STXBP3: variants seen among roughly 807,000 people sequenced by gnomAD.
STXBP3 encodes syntaxin binding protein 3, also known as syntaxin-binding protein 3.
STXBP3 carries 41 observed loss-of-function variants against 85.7 expected under a neutral mutation model. That is an observed-to-expected ratio of 0.48 (90% CI 0.37 to 0.62). STXBP3 has a LOEUF of 0.62. Ranked by LOEUF, STXBP3 falls within the 20% of genes least tolerant of loss-of-function variation. STXBP3 has a pLI of 0.00. For synonymous variants in STXBP3, 229 were observed against 231.7 expected (o/e 0.99, Z 0.10); for missense variants, 563 against 703.1 (o/e 0.80, Z 2.25).
At chr1:108,808,091 G>T (rs1663381115) in intron 18 of STXBP3, among the ~76,000 whole-genome samples, 1 of 152,194 alleles carries the variant, frequency 6.6e-6, no homozygotes. Flanking sequence ...CTTTAAAATA[G>T]TATGTTCTGT....
chr1:108,788,512 C>T (rs1029721410), intron 11 of STXBP3, among the ~76,000 whole-genome samples: 4 of 152,120 alleles, frequency 2.6e-5, no homozygotes, highest in African/African-American at 9.7e-5. Context: ...ACCATTGAAG[C>T]AGTTCAGGCA....
chr1:108,760,006 A>G lies in STXBP3; in HGVS notation c.359A>G (p.Asn120Ser). 1 of 1,574,880 alleles carries G rather than the reference A, an allele frequency of 6.3e-7. No individual in the cohort carries two copies. Among genetic ancestry groups the G allele is most frequent in the Non-Finnish European group, 8.6e-7 (1 of 1,165,814 alleles). ...FTDFCPDNLF[N>S]KIKASCSKSI... ...TCAGTTTGCCCTGATAATCTCTTTA[A>G]CAAAATTAAGGCTTCTTGCTCCAAG... Residue 120 changes from asparagine (N) to serine (S), a missense_variant, in exon 6 of 19, where the codon AAC becomes AGC. By Grantham distance (46) the Asn-to-Ser change is conservative. Transcript: ENST00000370008.
At chr1:108,766,613 A>G (rs1157100173) in intron 6 of STXBP3, among the ~76,000 whole-genome samples, 1 of 152,214 alleles carries the variant, frequency 6.6e-6, no homozygotes, top group Non-Finnish European at 1.5e-5. Context: ...CACACTGCTG[A>G]CTTAATATTA....
intron 6 of STXBP3, chr1:108,766,799 A>T (rs948354381): frequency 2.8e-5 from 7 of 250,498 alleles, no homozygotes; most frequent in South Asian, 2.0e-4. Context: ...AAACCCTCCA[A>T]ATTGACTCTT....
chr1:108,798,199 C>T lies in STXBP3; in HGVS notation c.1411C>T (p.Leu471Phe). 1 of 1,612,726 alleles carries T rather than the reference C, an allele frequency of 6.2e-7. No homozygotes were observed. The highest frequency in any genetic ancestry group is 1.1e-5 in the South Asian group (1 of 90,996). ...KDRSAEETFQ[L>F]SRWTPFIKDI... ...TCGGTCTGCAGAAGAAACTTTTCAG[C>T]TCTCTCGGTGGACACCTTTTATCAA... The change falls in exon 16 of 19, where the codon CTC becomes TTC. Residue 471 changes from leucine (L) to phenylalanine (F), a missense_variant. Around this residue, in one of 3 missense-constraint regions of STXBP3, gnomAD observed 494 missense variants for 592.8 expected, o/e 0.83. Coordinates refer to ENST00000370008, the MANE Select transcript of STXBP3 (RefSeq NM_007269.4).
chr1:108,796,792 G>GTTT, intron 15 of STXBP3, 66 bp downstream of exon 15: 34 of 898,362 alleles, frequency 3.8e-5, no homozygotes, highest in South Asian at 5.9e-5. Context: ...TGTATTAACT[G>GTTT]TTTTTTTTTT....
At chr1:108,774,883 G>C (rs988519730) in intron 7 of STXBP3, among the ~76,000 whole-genome samples, 2 of 151,946 alleles carry the variant, frequency 1.3e-5, no homozygotes, top group African/African-American at 4.8e-5. Flanking sequence ...AGGGAAATGA[G>C]TAAATATAGC....
chr1:108,779,258 T>C, intron 8 of STXBP3, 28 bp from the exon 9 acceptor site: 2 of 1,601,650 alleles, frequency 1.2e-6, no homozygotes, highest in South Asian at 2.3e-5. Context: ...TTGAAGCTGC[T>C]TAAGATGATT....
chr1:108,773,747 G>GGGAGGAAACCAGAGTACCA (rs1235764094), intron 7 of STXBP3, among the ~76,000 whole-genome samples: 2 of 152,136 alleles, frequency 1.3e-5, no homozygotes, highest in African/African-American at 4.8e-5. Context: ...TTTGGGATGT[G>GGGAGGAAACCAGAGTACCA]GGAGGAAACC....
chr1:108,787,818 C>G (rs773100257), intron 11 of STXBP3, among the ~76,000 whole-genome samples: 10 of 151,618 alleles, frequency 6.6e-5, no homozygotes, highest in Non-Finnish European at 1.5e-4. Flanking sequence ...GAGACAGGGT[C>G]TTGTTCTGTC....
chr1:108,755,295 A>T (rs991496439), intron 3 of STXBP3, among the ~76,000 whole-genome samples: 3 of 152,040 alleles, frequency 2.0e-5, no homozygotes, highest in African/African-American at 7.2e-5. Context: ...AAATCCAAAA[A>T]AATTAACCAA....
At chr1:108,762,414 T>C (rs1242446705) in intron 6 of STXBP3, among the ~76,000 whole-genome samples, 1 of 152,040 alleles carries the variant, frequency 6.6e-6, no homozygotes, top group Non-Finnish European at 1.5e-5. Flanking sequence ...CTCTATGAAA[T>C]TGTCAGGGGT....
chr1:108,756,786 A>ACTCT lies in STXBP3; in HGVS notation c.258+20_258+21insCTCT. ...TCAAAGGTGAGTATTTTGAGACCTT[A>ACTCT]AAAAGCAGGTTCATCAATATTTCAC... On this transcript the variant is annotated intron_variant, in intron 4 of 18. Transcript: ENST00000370008. 2 of 1,548,446 alleles carry ACTCT rather than the reference A, an allele frequency of 1.3e-6. No homozygotes were observed. Among genetic ancestry groups the ACTCT allele is most frequent in the Non-Finnish European group, 1.8e-6 (2 of 1,139,010 alleles).
chr1:108,748,570 G>C (rs1411105887), intron 1 of STXBP3, among the ~76,000 whole-genome samples: 1 of 151,672 alleles, frequency 6.6e-6, no homozygotes, highest in South Asian at 2.1e-4. Flanking sequence ...AGTGGCTCAC[G>C]CCTGTAATTA....
At position 108,776,346 on chromosome 1, in the gene STXBP3, A is replaced by G; in HGVS notation, c.607A>G (p.Asn203Asp). ...GVRYKSKPLD[N>D]ASKLAQLVEK... ...TTCCATTTCTAGTAAACCTCTAGAT[A>G]ATGCCAGTAAGCTTGCACAGCTTGT... The change falls in exon 8 of 19, where the codon AAT becomes GAT. Residue 203 changes from asparagine (N) to aspartate (D), a missense_variant. This residue lies in a region of STXBP3 where 494 missense variants were observed against 592.8 expected (regional missense o/e 0.83). Coordinates refer to ENST00000370008, the MANE Select transcript of STXBP3 (RefSeq NM_007269.4). 6.2e-7 allele frequency: 1 copy of G among 1,607,418 alleles called. No individual in the cohort carries two copies. Among genetic ancestry groups the G allele is most frequent in the Non-Finnish European group, 8.5e-7 (1 of 1,176,386 alleles).
intron 17 of STXBP3, among the ~76,000 whole-genome samples, chr1:108,802,462 C>T (rs533061557): frequency 2.6e-5 from 4 of 152,272 alleles, no homozygotes; most frequent in African/African-American, 7.2e-5. Flanking sequence ...GTTGAGACCA[C>T]ACCTAGCAAA....
chr1:108,765,808 A>G (rs999768338), intron 6 of STXBP3, among the ~76,000 whole-genome samples: 1 of 150,154 alleles, frequency 6.7e-6, no homozygotes, highest in African/African-American at 2.5e-5. Context: ...TGACCTCCCA[A>G]AGTGCTGGGA....
intron 6 of STXBP3, among the ~76,000 whole-genome samples, chr1:108,761,834 A>G (rs1413566161): frequency 6.6e-6 from 1 of 152,066 alleles, no homozygotes; most frequent in African/African-American, 2.4e-5. Context: ...TTAGCTGGGC[A>G]TGGTGATTAG....
intron 6 of STXBP3, among the ~76,000 whole-genome samples, chr1:108,771,407 T>G (rs1251908331): frequency 1.4e-4 from 2 of 14,082 alleles, no homozygotes; most frequent in Admixed American, 4.4e-4. Flanking sequence ...GATATATATC[T>G]ATATATATAA....
Sources: allele counts gnomAD v4.1 joint callset (sites outside exome capture counted in the v4.1 genomes callset), GRCh38; gene constraint gnomAD v4.1.1; regional missense constraint gnomAD v4.1.1; transcripts MANE v1.5; gene names NCBI Gene and HGNC (gene_info 2026-07-23, HGNC 2026-07-21).